Variants in SPNS2 observed in about 807,000 individuals in gnomAD.
The protein encoded by SPNS2 is SPNS lysolipid transporter 2, sphingosine-1-phosphate.
Under a neutral mutation model 57.6 loss-of-function variants are expected in SPNS2, and 37 were observed. That is an observed-to-expected ratio of 0.64 (90% CI 0.49 to 0.85). The LOEUF is 0.85. SPNS2 is among the 40% of genes least tolerant of loss of function. The pLI is 0.00. For missense variants in SPNS2, 831 were observed against 779.1 expected, an observed-to-expected ratio of 1.07 and a Z score of -0.79; for synonymous variants, 440 against 346.9, an observed-to-expected ratio of 1.27 and a Z score of -2.98.
chr17:4,505,524 G>A (rs926170821), intron 1 of SPNS2, among the ~76,000 whole-genome samples: 1 of 152,228 alleles, frequency 6.6e-6, no homozygotes, highest in African/African-American at 2.4e-5. Context: ...CAATGAGGCC[G>A]CGCAACCCCC....
intron 1 of SPNS2, among the ~76,000 whole-genome samples, chr17:4,509,798 G>A (rs1266011252): frequency 6.6e-6 from 1 of 152,250 alleles, no homozygotes; most frequent in Non-Finnish European, 1.5e-5. Context: ...GATTCCAGCT[G>A]TGGATTTGGG....
At chr17:4,532,834 G>C in intron 6 of SPNS2, 143 bp from the exon 7 acceptor site, 1 of 1,457,116 alleles carries the variant, frequency 6.9e-7, no homozygotes, top group Non-Finnish European at 9.2e-7. Flanking sequence ...CCCCAGAATC[G>C]ATTATTCCTG....
chr17:4,511,982 C>T lies in SPNS2; in HGVS notation c.371-1265C>T, dbSNP rs1176280377. The stretch of plus-strand genomic sequence containing the variant: ...GTGTGACTTTGAGCCCACAGCCTGA[C>T]TTCCTATGCTCCAGTTTCCTCATCT... On this transcript the variant is annotated intron_variant, in intron 1 of 12. Transcript: ENST00000329078. This position sits in a 1 kb window ranked among gnomAD's most constrained non-coding sequence, Gnocchi z 4.6. Among the ~76,000 whole-genome samples, 1 of 152,230 alleles carries T rather than the reference C, an allele frequency of 6.6e-6. No homozygotes were observed. The highest frequency in any genetic ancestry group is 1.9e-4 in the East Asian group (1 of 5,202).
intron 1 of SPNS2, among the ~76,000 whole-genome samples, chr17:4,509,369 G>T (rs1408402662): frequency 6.6e-6 from 1 of 152,270 alleles, no homozygotes; most frequent in Non-Finnish European, 1.5e-5. Flanking sequence ...GAGCCCAAAA[G>T]GCTGAGGCTG....
chr17:4,503,135 CAA>C (rs1567586433), intron 1 of SPNS2, among the ~76,000 whole-genome samples: 1 of 152,346 alleles, frequency 6.6e-6, no homozygotes, highest in South Asian at 2.1e-4. Flanking sequence ...ATCCAGAGAA[CAA>C]AGACACTTAC....
In SPNS2 at chr17:4,501,399, A is replaced by G. The variant is rs543912356; in HGVS notation, c.370+1982A>G. Among the ~76,000 whole-genome samples, 4 of 152,218 alleles carry G rather than the reference A, an allele frequency of 2.6e-5. No homozygotes were observed. In the South Asian group the frequency reaches 8.3e-4, roughly 32 times the overall value. On this transcript the variant is annotated intron_variant, in intron 1 of 12. Transcript: ENST00000329078. ...CAGGTCTCTGAGTCAGATTGTCAGC[A>G]TGGGGGAATGAGATAGGAAATTTGT...
intron 2 of SPNS2, among the ~76,000 whole-genome samples, chr17:4,516,350 AAC>A (rs1012895502): frequency 0.016 from 1,157 of 73,288 alleles, 59 homozygotes; most frequent in East Asian, 0.078. Flanking sequence ...AAAACAAAAA[AAC>A]CGCTCATAGG....
At chr17:4,532,860 C>T in intron 6 of SPNS2, 117 bp from the exon 7 acceptor site, 14 of 1,484,120 alleles carry the variant, frequency 9.4e-6, no homozygotes, top group Middle Eastern at 2.4e-4. Flanking sequence ...TGAACCCTCA[C>T]CCCTGGAGCC....
Position 4,537,912 on chromosome 17 carries a change from G to C in SPNS2, c.*464G>C. 2.5e-6 allele frequency: 1 copy of C among 407,666 alleles called. No homozygotes were observed. Among genetic ancestry groups the C allele is most frequent in the Non-Finnish European group, 5.0e-6 (1 of 198,488 alleles). The allele number at this position is 407,666 out of a possible 1,614,324, so 25.3% of individuals were successfully genotyped here. ...GACCATACGGAGAGCAGGTGGCCCA[G>C]GCCTCAGGGCGGCAGTCCCGGCTTT... On this transcript the variant is annotated 3_prime_UTR_variant, in exon 13 of 13. Coordinates refer to ENST00000329078, the MANE Select transcript of SPNS2 (RefSeq NM_001124758.3).
rs1293432211 is a variant in SPNS2 at position 4,499,026 on chromosome 17, C to T, written c.-22C>T. 6 of 999,740 alleles carry T rather than the reference C, an allele frequency of 6.0e-6. No homozygotes were observed. The highest frequency in any genetic ancestry group is 1.2e-4 in the Admixed American group (2 of 16,618). 61.9% of individuals were successfully genotyped at this position (999,740 alleles called of 1,614,324 possible). A position where few individuals can be genotyped will look rare whatever the true frequency, so the allele number is the denominator to read the frequency against. ...TGGGCCCCGCGCCCCCCGCGCCCCC[C>T]GCCGCCCCGATCCGGGCCGGCATGA... On this transcript the variant is annotated 5_prime_UTR_variant, in exon 1 of 13. Coordinates refer to ENST00000329078, the MANE Select transcript of SPNS2 (RefSeq NM_001124758.3). This position sits in a 1 kb window ranked among gnomAD's most constrained non-coding sequence, Gnocchi z 5.2.
chr17:4,535,502 G>A (rs556595194), intron 9 of SPNS2, among the ~76,000 whole-genome samples: 118 of 152,338 alleles, frequency 7.7e-4, no homozygotes, highest in Middle Eastern at 3.4e-3. Flanking sequence ...CGTGACCCAG[G>A]TCCAAGGGCA....
intron 2 of SPNS2, among the ~76,000 whole-genome samples, chr17:4,516,062 C>G (rs1904976681): frequency 6.6e-6 from 1 of 152,146 alleles, no homozygotes; most frequent in African/African-American, 2.4e-5. Context: ...GCCTATAATC[C>G]CAGCACTTTG....
rs778241239 is a variant in SPNS2 at position 4,536,069 on chromosome 17, T to C, written c.1345-7T>C. On this transcript the variant is annotated splice_region_variant and splice_polypyrimidine_tract_variant and intron_variant, in intron 9 of 12. Coordinates refer to ENST00000329078, the MANE Select transcript of SPNS2 (RefSeq NM_001124758.3). ...TCTGGCCGCTGACCTGCCCGCCTGT[T>C]CCGCAGTACGTGGTCATCCCCACGC... The C allele has an allele frequency of 5.6e-6, 9 of 1,609,474 alleles. No homozygotes were observed. Among genetic ancestry groups the C allele is most frequent in the Non-Finnish European group, 6.8e-6 (8 of 1,178,940 alleles).
At chr17:4,531,253 T>C (rs1169971261) in intron 5 of SPNS2, 134 bp downstream of exon 5, 2 of 789,814 alleles carry the variant, frequency 2.5e-6, no homozygotes, top group Non-Finnish European at 4.2e-6. Context: ...CTGAAATCCC[T>C]GCCCTTCCAG....
intron 1 of SPNS2, among the ~76,000 whole-genome samples, chr17:4,502,535 A>G (rs565205434): frequency 1.2e-4 from 18 of 152,292 alleles, no homozygotes; most frequent in African/African-American, 4.3e-4. Flanking sequence ...ACTAGAGTGG[A>G]CAGTGCAGGT....
intron 2 of SPNS2, among the ~76,000 whole-genome samples, chr17:4,521,877 G>A (rs1392234350): frequency 6.6e-6 from 1 of 152,206 alleles, no homozygotes; most frequent in Non-Finnish European, 1.5e-5. Context: ...CTTGAACTCA[G>A]CCAGGGCGGA....
chr17:4,528,225 G>T (rs1905317721), intron 3 of SPNS2, among the ~76,000 whole-genome samples: 1 of 152,008 alleles, frequency 6.6e-6, no homozygotes, highest in Non-Finnish European at 1.5e-5. Flanking sequence ...GTTTCACCAT[G>T]TTGACAAGGC....
At chr17:4,525,285 G>C in intron 3 of SPNS2, 92 bp downstream of exon 3, 2 of 1,518,324 alleles carry the variant, frequency 1.3e-6, no homozygotes, top group Non-Finnish European at 1.8e-6. Context: ...ATCCAGCCCA[G>C]GGCTTCCAGC....
rs368402736 is a variant in SPNS2, at chr17:4,531,768, G to GA, written c.792+650dup. Among the ~76,000 whole-genome samples, 279 of 152,162 alleles carry GA rather than the reference G, an allele frequency of 1.8e-3. 6 individuals carry two copies. Among genetic ancestry groups the GA allele is most frequent in the Admixed American group, 0.013 (199 of 15,298 alleles). On this transcript the variant is annotated intron_variant, in intron 5 of 12. Transcript: ENST00000329078. Reference sequence around the variant, plus strand: ...GGCTCCCAGTCCCGGGGGCATGGGGGAGAGTGTTCTGCGGGGCTGGTGAGA... The same window carrying GA: ...GGCTCCCAGTCCCGGGGGCATGGGGGAAGAGTGTTCTGCGGGGCTGGTGAGA...
Sources: gnomAD v4.1 joint callset for allele counts (sites outside exome capture counted in the v4.1 genomes callset) on GRCh38, gnomAD v4.1.1 for gene constraint, Gnocchi (gnomAD v3.1) non-coding constraint, MANE v1.5 for transcripts, NCBI Gene and HGNC (gene_info 2026-07-23, HGNC 2026-07-21) for gene names.